C22orf31: variants seen among roughly 807,000 people sequenced by gnomAD.
C22orf31 encodes uncharacterized protein C22orf31.
C22orf31 carries 11 observed loss-of-function variants against 15.0 expected under a neutral mutation model. That is an observed-to-expected ratio of 0.73 (90% confidence interval 0.46 to 1.21). The LOEUF (loss-of-function observed/expected upper bound fraction) is 1.21, where lower values mean the gene tolerates loss of function less well. C22orf31 is among the 50% of genes most tolerant of loss of function. The probability of loss-of-function intolerance (pLI) is 0.00; values close to 1 mark genes in which losing one functional copy is unlikely to be tolerated. For synonymous variants in C22orf31, 132 were observed against 133.3 expected (o/e 0.99, Z 0.07); for missense variants, 340 against 347.2 (o/e 0.98, Z 0.17).
At chr22:29,066,797 G>T (rs576780266), upstream of C22orf31, among the ~76,000 whole-genome samples, 1 of 151,872 alleles carries the variant, frequency 6.6e-6, no homozygotes, top group Non-Finnish European at 1.5e-5. Flanking sequence ...CTGACCTCAG[G>T]TGATCCACCT....
chr22:29,061,251 T>C (rs1258155976), intron 1 of C22orf31, among the ~76,000 whole-genome samples: 3 of 152,264 alleles, frequency 2.0e-5, no homozygotes, highest in East Asian at 1.9e-4. Flanking sequence ...AAGCCCTGAA[T>C]ACGCTTTACA....
At chr22:29,069,943 C>CTTTTTTT in the C22orf31 span, among the ~76,000 whole-genome samples, 1 of 96,534 alleles carries the variant, frequency 1.0e-5, no homozygotes, top group Admixed American at 1.1e-4. Flanking sequence ...TCTTGAAATT[C>CTTTTTTT]TTTTTTTTTT....
Position 29,058,931 on chromosome 22 carries a change from A to G in C22orf31, c.684T>C (p.Pro228=). ...GGCTGTACCTCTTGGGGGTCCCTGA[A>G]GGATTCCACAGCATTGGCTCCACCA... ...HAVVEPMLWN[P]SGTPKRYSLE... Residue 228 remains proline, a synonymous_variant, in exon 3 of 3, where the codon CCT becomes CCC. Coordinates refer to ENST00000216071, the MANE Select transcript of C22orf31 (RefSeq NM_015370.2). 1.9e-6 allele frequency: 3 copies of G among 1,614,200 alleles called. No homozygotes were observed. The highest frequency in any genetic ancestry group is 2.5e-6 in the Non-Finnish European group (3 of 1,180,042).
chr22:29,070,864 T>C, the C22orf31 span, among the ~76,000 whole-genome samples: 1 of 152,224 alleles, frequency 6.6e-6, no homozygotes, highest in East Asian at 1.9e-4. Flanking sequence ...TCAGGTTGAC[T>C]AGAATGTAAG....
At chr22:29,067,178 TA>T in the C22orf31 span, among the ~76,000 whole-genome samples, 15 of 152,068 alleles carry the variant, frequency 9.9e-5, no homozygotes, top group Admixed American at 6.5e-4. Context: ...ATTTAGATGT[TA>T]AAAAATTATT....
the C22orf31 span, among the ~76,000 whole-genome samples, chr22:29,069,046 G>A: frequency 6.3e-4 from 96 of 152,196 alleles, no homozygotes; most frequent in African/African-American, 2.3e-3. Flanking sequence ...ACAGGTGTGA[G>A]CCACCACCCC....
the C22orf31 span, among the ~76,000 whole-genome samples, chr22:29,071,740 C>A: frequency 2.6e-5 from 4 of 152,216 alleles, no homozygotes; most frequent in Admixed American, 6.5e-5. Flanking sequence ...ACCCCGGGTG[C>A]GGCAGGGGAA....
At chr22:29,067,558 G>A in the C22orf31 span, among the ~76,000 whole-genome samples, 21 of 152,098 alleles carry the variant, frequency 1.4e-4, no homozygotes, top group South Asian at 3.5e-3. Context: ...TGAACCCTGC[G>A]TTAGCCTTCC....
At chr22:29,068,477 C>T in the C22orf31 span, among the ~76,000 whole-genome samples, 1 of 144,464 alleles carries the variant, frequency 6.9e-6, no homozygotes, top group Non-Finnish European at 1.5e-5. Context: ...GTAGTGTGAT[C>T]TTGGCTCACT....
At chr22:29,059,969 C>G (rs2037366246) in intron 2 of C22orf31, 1 of 982,680 alleles carries the variant, frequency 1.0e-6, no homozygotes, top group Non-Finnish European at 1.2e-6. Flanking sequence ...TCCCCACATT[C>G]TGTCTTCAAC....
upstream of C22orf31, among the ~76,000 whole-genome samples, chr22:29,064,583 G>A (rs1035658229): frequency 6.7e-6 from 1 of 149,368 alleles, no homozygotes; most frequent in African/African-American, 2.5e-5. Flanking sequence ...GTGTGATCAC[G>A]GCTCATGAGA....
the C22orf31 span, among the ~76,000 whole-genome samples, chr22:29,067,427 A>G: frequency 6.6e-6 from 1 of 151,500 alleles, no homozygotes; most frequent in Non-Finnish European, 1.5e-5. Context: ...ATTATTATTA[A>G]TTTTCTTTTT....
the C22orf31 span, among the ~76,000 whole-genome samples, chr22:29,072,731 C>T: frequency 6.6e-6 from 1 of 152,182 alleles, no homozygotes; most frequent in African/African-American, 2.4e-5. Context: ...CCTATTTCAG[C>T]CCGGCCAAAC....
At chr22:29,069,896 C>A in the C22orf31 span, among the ~76,000 whole-genome samples, 1 of 151,998 alleles carries the variant, frequency 6.6e-6, no homozygotes, top group Non-Finnish European at 1.5e-5. Flanking sequence ...GGAAGGGCCC[C>A]ACACATGCTT....
Position 29,058,786 on chromosome 22 carries a change from C to T in C22orf31, c.829G>A (p.Glu277Lys). 1 of 1,614,148 alleles carries T rather than the reference C, an allele frequency of 6.2e-7. No homozygotes were observed. Among genetic ancestry groups the T allele is most frequent in the African/African-American group, 1.3e-5 (1 of 75,054 alleles). Residue 277 changes from glutamate (E) to lysine (K), a missense_variant, in exon 3 of 3, where the codon GAG (glutamate) becomes AAG (lysine). Transcript: ENST00000216071. ...TTGGGCCATTTCTTGAGTACAGGCTCCTCGTGGACACCTGGCTGCTTCCTG... is the reference window on the plus strand; with the variant it reads ...TTGGGCCATTTCTTGAGTACAGGCTTCTCGTGGACACCTGGCTGCTTCCTG... ...PGRKQPGVHE[E>K]PVLKKWPKLK...
chr22:29,071,577 T>C, the C22orf31 span, among the ~76,000 whole-genome samples: 6 of 151,962 alleles, frequency 3.9e-5, no homozygotes. Flanking sequence ...GGCGCAGGTC[T>C]GCACTTGCAA....
At chr22:29,072,135 GT>G in the C22orf31 span, among the ~76,000 whole-genome samples, 1 of 150,806 alleles carries the variant, frequency 6.6e-6, no homozygotes, top group Admixed American at 6.6e-5. Context: ...TTTCGTTTTG[GT>G]TTTTTTTTGT....
At chr22:29,068,713 C>G in the C22orf31 span, among the ~76,000 whole-genome samples, 4 of 151,218 alleles carry the variant, frequency 2.6e-5, no homozygotes, top group African/African-American at 9.7e-5. Flanking sequence ...CCCGGCAAGA[C>G]CCTGTCTTTA....
At chr22:29,063,315 AC>A (rs2037408506), upstream of C22orf31, among the ~76,000 whole-genome samples, 1 of 151,940 alleles carries the variant, frequency 6.6e-6, no homozygotes. Context: ...ACAGGCGCGG[AC>A]CACCAAGCCC....
Sources: gnomAD v4.1 joint callset for allele counts (sites outside exome capture counted in the v4.1 genomes callset) on GRCh38, gnomAD v4.1.1 for gene constraint, MANE v1.5 for transcripts, NCBI Gene and HGNC (gene_info 2026-07-23, HGNC 2026-07-21) for gene names.